Variants in DNM1 observed in about 807,000 individuals in gnomAD.
DNM1 encodes dynamin-1.
DNM1 carries 29 observed loss-of-function variants against 104.6 expected under a neutral mutation model. The observed-to-expected ratio is 0.28, with a 90% confidence interval of 0.21 to 0.38. DNM1 has a LOEUF of 0.38. Among genes scored for constraint, DNM1 ranks in the 10% least tolerant of loss-of-function variants. The pLI is 1.00. For missense variants in DNM1, 640 were observed against 1,189.4 expected, an observed-to-expected ratio of 0.54 and a Z score of 6.79; for synonymous variants, 445 against 475.8, an observed-to-expected ratio of 0.94 and a Z score of 0.84.
chr9:128,245,294 C>T lies in DNM1; in HGVS notation c.1672-1100C>T, dbSNP rs556277480. 1.6e-3 allele frequency among the ~76,000 whole-genome samples: 250 copies of T among 152,196 alleles called. No homozygotes were observed. Among genetic ancestry groups the T allele is most frequent in the African/African-American group, 5.7e-3 (236 of 41,526 alleles). ...GGGCAGAGAGGGGTGGGCGGGATGACGCCAGGACGGGGGAGCAAGGTCCCC... is the reference window on the plus strand; with the variant it reads ...GGGCAGAGAGGGGTGGGCGGGATGATGCCAGGACGGGGGAGCAAGGTCCCC... On this transcript the variant is annotated intron_variant, in intron 15 of 21. Transcript: ENST00000372923. The surrounding 1 kb of genome is among the most constrained non-coding windows in gnomAD (Gnocchi z 5.2).
chr9:128,225,080 G>A lies in DNM1; in HGVS notation c.1335+691G>A, dbSNP rs999769016. On this transcript the variant is annotated intron_variant, in intron 10 of 21. Coordinates refer to ENST00000372923, the MANE Select transcript of DNM1 (RefSeq NM_004408.4). ...GAGGACGGTGCCCATTTCACAGCACGAACACTGAAGCTCCAGGAGATCAAG... is the reference window on the plus strand; with the variant it reads ...GAGGACGGTGCCCATTTCACAGCACAAACACTGAAGCTCCAGGAGATCAAG... Among the ~76,000 whole-genome samples, 11 of 152,212 alleles carry A rather than the reference G, an allele frequency of 7.2e-5. No individual in the cohort carries two copies. In the South Asian group the frequency reaches 8.3e-4, roughly 11 times the overall value.
At position 128,248,953 on chromosome 9, in the gene DNM1, G is replaced by A. The variant is rs1829335552; in HGVS notation, c.2076+200G>A. Reference sequence around the variant, plus strand: ...CACACCTGTAATCCCAGCACTTTGGGAGGCCAAGGCAGGTGGATCACGTGA... The same window carrying A: ...CACACCTGTAATCCCAGCACTTTGGAAGGCCAAGGCAGGTGGATCACGTGA... On this transcript the variant is annotated intron_variant, in intron 19 of 21. Coordinates refer to ENST00000372923, the MANE Select transcript of DNM1 (RefSeq NM_004408.4). The surrounding 1 kb of genome is among the most constrained non-coding windows in gnomAD (Gnocchi z 5.6). Among the ~76,000 whole-genome samples, 1 of 152,120 alleles carries A rather than the reference G, an allele frequency of 6.6e-6. No individual in the cohort carries two copies. Among genetic ancestry groups the A allele is most frequent in the African/African-American group, 2.4e-5 (1 of 41,416 alleles).
chr9:128,254,609 C>T lies in DNM1; in HGVS notation c.2535-45C>T, dbSNP rs373417661. On this transcript the variant is annotated intron_variant, in intron 21 of 21. Transcript: ENST00000372923. This position sits in a 1 kb window ranked among gnomAD's most constrained non-coding sequence, Gnocchi z 6.1. Reference sequence around the variant, plus strand: ...GCGCTTGCCTTACCAGCTCTCTCCTCGCTTTTCTCTCCCGTTTTCTCTCTG... The same window carrying T: ...GCGCTTGCCTTACCAGCTCTCTCCTTGCTTTTCTCTCCCGTTTTCTCTCTG... 6 of 1,594,884 alleles carry T rather than the reference C, an allele frequency of 3.8e-6. No individual in the cohort carries two copies. Among genetic ancestry groups the T allele is most frequent in the African/African-American group, 2.7e-5 (2 of 74,786 alleles).
intron 10 of DNM1, among the ~76,000 whole-genome samples, chr9:128,231,139 A>G (rs867761013): frequency 2.0e-4 from 31 of 151,520 alleles, no homozygotes; most frequent in African/African-American, 7.0e-4. Flanking sequence ...AAACTGATCA[A>G]CAAATATTTG....
Position 128,249,836 on chromosome 9 carries a change from A to AG in DNM1, c.2077-279_2077-278insG, listed in dbSNP as rs558248028. 9.3e-3 allele frequency among the ~76,000 whole-genome samples: 1,409 copies of AG among 150,774 alleles called. 20 individuals carry two copies. The highest frequency in any genetic ancestry group is 0.032 in the African/African-American group (1,331 of 41,040). On this transcript the variant is annotated intron_variant, in intron 19 of 21. Coordinates refer to ENST00000372923, the MANE Select transcript of DNM1 (RefSeq NM_004408.4). Reference sequence around the variant, plus strand: ...CGAGACCCTATCTCCAGGAAGAAGAAAAAAAAAAACAACTGAGTAGACAAG... The same window carrying AG: ...CGAGACCCTATCTCCAGGAAGAAGAAGAAAAAAAAACAACTGAGTAGACAAG...
chr9:128,234,141 T>C, intron 11 of DNM1, 34 bp downstream of exon 11: 9 of 1,485,964 alleles, frequency 6.1e-6, no homozygotes, highest in Non-Finnish European at 8.1e-6. Flanking sequence ...GGCCGCGCCT[T>C]CCTTCCACTC....
intron 16 of DNM1, chr9:128,246,806 C>T (rs973526767): frequency 1.1e-5 from 5 of 438,852 alleles, no homozygotes; most frequent in East Asian, 4.6e-5. Context: ...CCTTCCCTCC[C>T]TCCCTCCGTC....
Position 128,254,300 on chromosome 9 carries a change from T to C in DNM1, c.2535-354T>C, listed in dbSNP as rs1041672628. On this transcript the variant is annotated intron_variant, in intron 21 of 21. Transcript: ENST00000372923. This position sits in a 1 kb window ranked among gnomAD's most constrained non-coding sequence, Gnocchi z 6.1. ...AAGGGGTGGCCCCAGGCCAGTGGGT[T>C]GGAAGACAGGGTGACCAGAGAAGAG... is the stretch of plus-strand genomic sequence containing the variant. The C allele has an allele frequency of 1.4e-6, 2 of 1,390,010 alleles. No individual in the cohort carries two copies. The highest frequency in any genetic ancestry group is 3.0e-5 in the African/African-American group (2 of 67,478). The allele number at this position is 1,390,010 out of a possible 1,614,324, so 86.1% of individuals were successfully genotyped here.
intron 10 of DNM1, among the ~76,000 whole-genome samples, chr9:128,225,409 C>A (rs1338821796): frequency 2.6e-5 from 4 of 152,158 alleles, no homozygotes; most frequent in African/African-American, 9.7e-5. Flanking sequence ...ATACTGCAAC[C>A]CTAGGAGGCA....
At position 128,248,822 on chromosome 9, in the gene DNM1, T is replaced by G. The variant is rs990238867; in HGVS notation, c.2076+69T>G. On this transcript the variant is annotated intron_variant, in intron 19 of 21. Transcript: ENST00000372923. The surrounding 1 kb of genome is among the most constrained non-coding windows in gnomAD (Gnocchi z 5.6). ...GGGGATGCAGGTGGCCATGTTGGCC[T>G]GGGGGAGATGCCAACCAGCCCTATG... 1 of 1,547,478 alleles carries G rather than the reference T, an allele frequency of 6.5e-7. No individual in the cohort carries two copies. Among genetic ancestry groups the G allele is most frequent in the African/African-American group, 1.4e-5 (1 of 73,912 alleles).
At chr9:128,204,588 C>T (rs897546583) in intron 1 of DNM1, among the ~76,000 whole-genome samples, 1 of 152,120 alleles carries the variant, frequency 6.6e-6, no homozygotes, top group East Asian at 1.9e-4. Flanking sequence ...TCCCCACAAA[C>T]CCCCAAAGGG....
chr9:128,243,737 G>A lies in DNM1; in HGVS notation c.1671+1392G>A, dbSNP rs1012061541. Among the ~76,000 whole-genome samples, 1 of 152,204 alleles carries A rather than the reference G, an allele frequency of 6.6e-6. No individual in the cohort carries two copies. Among genetic ancestry groups the A allele is most frequent in the Non-Finnish European group, 1.5e-5 (1 of 68,024 alleles). ...GGCCAGGGAGACCATGTGACCTGGG[G>A]CTGAGGGCCGGAGACCGGGTGACAC... On this transcript the variant is annotated intron_variant, in intron 15 of 21. Transcript: ENST00000372923. The surrounding 1 kb of genome is among the most constrained non-coding windows in gnomAD (Gnocchi z 4.0).
At position 128,218,851 on chromosome 9, in the gene DNM1, TTCCAAGC is replaced by T; in HGVS notation, c.385+125_385+131del. ...ATGACCCTGCCTCTGCATCATCCTA[TTCCAAGC>T]TCCACCCTGCCGTGATTCCGCCCAC... On this transcript the variant is annotated intron_variant, in intron 3 of 21. Transcript: ENST00000372923. The surrounding 1 kb of genome is among the most constrained non-coding windows in gnomAD (Gnocchi z 4.8). 8 of 1,388,078 alleles carry T rather than the reference TTCCAAGC, an allele frequency of 5.8e-6. No individual in the cohort carries two copies. Among genetic ancestry groups the T allele is most frequent in the Non-Finnish European group, 6.7e-6 (7 of 1,038,064 alleles). 86.0% of individuals were successfully genotyped at this position (1,388,078 alleles called of 1,614,324 possible). A position where few individuals can be genotyped will look rare whatever the true frequency, so the allele number is the denominator to read the frequency against.
At chr9:128,225,654 C>T (rs1036460904) in intron 10 of DNM1, among the ~76,000 whole-genome samples, 6 of 152,114 alleles carry the variant, frequency 3.9e-5, no homozygotes, top group South Asian at 2.1e-4. Flanking sequence ...TGGACAAAGA[C>T]GGCACTGGGA....
chr9:128,217,373 C>T (rs868321771), intron 1 of DNM1, among the ~76,000 whole-genome samples: 3 of 152,150 alleles, frequency 2.0e-5, no homozygotes, highest in South Asian at 2.1e-4. Context: ...CCCCACTAAG[C>T]GCCTGGCATG....
In DNM1 at chr9:128,250,708, C is replaced by T; in HGVS notation, c.2319-17C>T. 2 of 1,459,640 alleles carry T rather than the reference C, an allele frequency of 1.4e-6. No homozygotes were observed. Among genetic ancestry groups the T allele is most frequent in the Non-Finnish European group, 1.8e-6 (2 of 1,112,106 alleles). The allele number at this position is 1,459,640 out of a possible 1,614,324, so 90.4% of individuals were successfully genotyped here. ...TCATCTCGCCTCTCCTTGTTCCTCGCTCCCTGTCGCCCTCAGGTCGCCCAC... is the reference window on the plus strand; with the variant it reads ...TCATCTCGCCTCTCCTTGTTCCTCGTTCCCTGTCGCCCTCAGGTCGCCCAC... On this transcript the variant is annotated splice_polypyrimidine_tract_variant and intron_variant, in intron 20 of 21. Coordinates refer to ENST00000372923, the MANE Select transcript of DNM1 (RefSeq NM_004408.4).
Position 128,218,464 on chromosome 9 carries a change from G to T in DNM1, c.236-118G>T. ...ATCAAAATACATAATGGAGACGTGG[G>T]TGGTGGTTCTGCTTGGGTGTGTCTA... On this transcript the variant is annotated intron_variant, in intron 2 of 21. Coordinates refer to ENST00000372923, the MANE Select transcript of DNM1 (RefSeq NM_004408.4). This position sits in a 1 kb window ranked among gnomAD's most constrained non-coding sequence, Gnocchi z 4.8. 7.1e-7 allele frequency: 1 copy of T among 1,404,578 alleles called. No individual in the cohort carries two copies. The highest frequency in any genetic ancestry group is 1.0e-6 in the Non-Finnish European group (1 of 1,001,284). 87.0% of individuals were successfully genotyped at this position (1,404,578 alleles called of 1,614,324 possible). A position where few individuals can be genotyped will look rare whatever the true frequency, so the allele number is the denominator to read the frequency against.
At chr9:128,246,612 A>G in intron 16 of DNM1, 109 bp downstream of exon 16, 2 of 741,008 alleles carry the variant, frequency 2.7e-6, no homozygotes, top group Non-Finnish European at 4.7e-6. Context: ...TAGGCCCCAC[A>G]GCAAGCCATC....
chr9:128,209,724 C>A (rs993123848), intron 1 of DNM1, among the ~76,000 whole-genome samples: 1 of 152,226 alleles, frequency 6.6e-6, no homozygotes, highest in Non-Finnish European at 1.5e-5. Flanking sequence ...AACACCCCAG[C>A]CCTCATATCC....
Sources: gnomAD v4.1 joint callset for allele counts (sites outside exome capture counted in the v4.1 genomes callset) on GRCh38, gnomAD v4.1.1 for gene constraint, Gnocchi (gnomAD v3.1) non-coding constraint, MANE v1.5 for transcripts, NCBI Gene and HGNC (gene_info 2026-07-23, HGNC 2026-07-21) for gene names.